Variants in C1orf21 observed in about 807,000 individuals in gnomAD.
The protein encoded by C1orf21 is chromosome 1 open reading frame 21.
C1orf21 carries 3 observed loss-of-function variants against 18.7 expected under a neutral mutation model. The observed-to-expected ratio is 0.16, with a 90% CI of 0.07 to 0.42. The LOEUF (loss-of-function observed/expected upper bound fraction) is 0.42. Among genes scored for constraint, C1orf21 ranks in the 10% least tolerant of loss-of-function variants. The probability of loss-of-function intolerance (pLI) is 0.99; values close to 1 mark genes in which losing one functional copy is unlikely to be tolerated. For missense variants in C1orf21, 104 were observed against 143.6 expected (o/e 0.72, Z 1.41); for synonymous variants, 41 against 46.4 (o/e 0.88, Z 0.47).
At chr1:184,563,203 C>T (rs965276285) in intron 3 of C1orf21, among the ~76,000 whole-genome samples, 2 of 152,226 alleles carry the variant, frequency 1.3e-5, no homozygotes, top group African/African-American at 4.8e-5. Context: ...TCTAGAGACA[C>T]TGCCTCTTTC....
intron 1 of C1orf21, among the ~76,000 whole-genome samples, chr1:184,441,569 G>A (rs944822290): frequency 1.3e-5 from 2 of 152,162 alleles, no homozygotes; most frequent in Admixed American, 6.5e-5. Flanking sequence ...TGATTATTAC[G>A]TGCAGCTAAG....
intron 1 of C1orf21, among the ~76,000 whole-genome samples, chr1:184,447,635 A>G (rs1002782906): frequency 6.6e-6 from 1 of 152,132 alleles, no homozygotes; most frequent in Non-Finnish European, 1.5e-5. Flanking sequence ...ACATCTAAAT[A>G]TTCATCAAAC....
chr1:184,471,856 G>A (rs1657501039), intron 1 of C1orf21, among the ~76,000 whole-genome samples: 1 of 152,150 alleles, frequency 6.6e-6, no homozygotes, highest in South Asian at 2.1e-4. Context: ...TGTGAGGTGA[G>A]GAATGAATGT....
intron 3 of C1orf21, among the ~76,000 whole-genome samples, chr1:184,545,666 G>A (rs1658718068): frequency 6.6e-6 from 1 of 152,124 alleles, no homozygotes. Context: ...GTTGTGCAGT[G>A]CACTAAGTGA....
intron 5 of C1orf21, among the ~76,000 whole-genome samples, chr1:184,604,211 T>C (rs1022177815): frequency 2.6e-5 from 4 of 152,200 alleles, no homozygotes; most frequent in African/African-American, 9.7e-5. Context: ...ATGGGTTTTA[T>C]TTTTTTAACT....
At chr1:184,608,310 G>GA (rs1261168630) in intron 5 of C1orf21, among the ~76,000 whole-genome samples, 1 of 152,158 alleles carries the variant, frequency 6.6e-6, no homozygotes, top group African/African-American at 2.4e-5. Context: ...GTGTCAAATA[G>GA]AAAAAACAAA....
chr1:184,496,205 T>C (rs1188413784), intron 2 of C1orf21, among the ~76,000 whole-genome samples: 1 of 152,194 alleles, frequency 6.6e-6, no homozygotes, highest in African/African-American at 2.4e-5. Context: ...AGATAATTTC[T>C]GGGCTCTCCT....
chr1:184,476,062 T>TA (rs1657566623), intron 1 of C1orf21, among the ~76,000 whole-genome samples: 1 of 152,244 alleles, frequency 6.6e-6, no homozygotes, highest in Non-Finnish European at 1.5e-5. Context: ...ACTGCCTTTT[T>TA]ATCTAAGTTC....
At chr1:184,485,208 G>A (rs1168379033) in intron 2 of C1orf21, among the ~76,000 whole-genome samples, 1 of 152,038 alleles carries the variant, frequency 6.6e-6, no homozygotes, top group Non-Finnish European at 1.5e-5. Flanking sequence ...TGAGAAACGT[G>A]ACTAGTCCTA....
intron 1 of C1orf21, among the ~76,000 whole-genome samples, chr1:184,430,443 A>T (rs1374116475): frequency 2.0e-5 from 3 of 152,250 alleles, no homozygotes; most frequent in Non-Finnish European, 4.4e-5. Context: ...TAATAAAATG[A>T]CAAACAACCA....
intron 3 of C1orf21, among the ~76,000 whole-genome samples, chr1:184,518,083 T>C (rs1010031436): frequency 4.5e-4 from 68 of 152,290 alleles, no homozygotes; most frequent in African/African-American, 1.4e-3. Context: ...TTGGAAGACT[T>C]CCTATATCCA....
intron 3 of C1orf21, among the ~76,000 whole-genome samples, chr1:184,539,715 A>G (rs1471795119): frequency 1.3e-5 from 2 of 152,238 alleles, no homozygotes; most frequent in Non-Finnish European, 2.9e-5. Context: ...CATGGTCACT[A>G]GTATTCCAAA....
chr1:184,390,224 T>G (rs1459379046), intron 1 of C1orf21, among the ~76,000 whole-genome samples: 1 of 152,238 alleles, frequency 6.6e-6, no homozygotes, highest in Non-Finnish European at 1.5e-5. Context: ...GCTGGTATCT[T>G]AGAGTGTGGT....
At chr1:184,450,368 G>C (rs573169127) in intron 1 of C1orf21, among the ~76,000 whole-genome samples, 1 of 152,092 alleles carries the variant, frequency 6.6e-6, no homozygotes, top group Non-Finnish European at 1.5e-5. Context: ...CCCTTGATGG[G>C]TGCCTGACCA....
At chr1:184,396,910 C>T (rs978643004) in intron 1 of C1orf21, among the ~76,000 whole-genome samples, 5 of 152,250 alleles carry the variant, frequency 3.3e-5, no homozygotes, top group South Asian at 2.1e-4. Flanking sequence ...GAACACCTGC[C>T]GCACACTAGG....
chr1:184,423,041 T>G (rs1490809624), intron 1 of C1orf21, among the ~76,000 whole-genome samples: 3 of 152,234 alleles, frequency 2.0e-5, no homozygotes, highest in African/African-American at 7.2e-5. Flanking sequence ...TTATCCTCCC[T>G]TAAGCCTCCA....
At chr1:184,416,112 A>G (rs1656447303) in intron 1 of C1orf21, among the ~76,000 whole-genome samples, 1 of 152,212 alleles carries the variant, frequency 6.6e-6, no homozygotes, top group African/African-American at 2.4e-5. Context: ...TGATTTATTG[A>G]AAGGCTATCT....
intron 5 of C1orf21, among the ~76,000 whole-genome samples, chr1:184,616,947 G>T (rs752718651): frequency 1.3e-5 from 2 of 152,184 alleles, no homozygotes; most frequent in Non-Finnish European, 2.9e-5. Flanking sequence ...GTGGGAGGAA[G>T]AGTTCCCTGA....
chr1:184,393,351 T>C (rs1365808511), intron 1 of C1orf21, among the ~76,000 whole-genome samples: 1 of 151,992 alleles, frequency 6.6e-6, no homozygotes, highest in Non-Finnish European at 1.5e-5. Flanking sequence ...CCTCCCTTCT[T>C]CCTCCCACCC....
Sources: allele counts gnomAD v4.1 joint callset (sites outside exome capture counted in the v4.1 genomes callset), GRCh38; gene constraint gnomAD v4.1.1; transcripts MANE v1.5; gene names NCBI Gene and HGNC (gene_info 2026-07-23, HGNC 2026-07-21).